Variants in TNC observed in about 807,000 individuals in gnomAD.
The protein encoded by TNC is tenascin.
A neutral mutation model predicts 202.4 loss-of-function variants in TNC; 109 were observed. That is an observed-to-expected ratio of 0.54 (90% CI 0.46 to 0.63). The LOEUF is 0.63. Among genes scored for constraint, TNC ranks in the 30% least tolerant of loss-of-function variants. TNC has a pLI of 0.00. For synonymous variants in TNC, 1,007 were observed against 1,089.7 expected, an observed-to-expected ratio of 0.92 and a Z score of 1.50; for missense variants, 2,756 against 2,833.3, an observed-to-expected ratio of 0.97 and a Z score of 0.62.
chr9:115,117,581 C>G (rs971581488), intron 1 of TNC, among the ~76,000 whole-genome samples: 1 of 152,156 alleles, frequency 6.6e-6, no homozygotes, highest in Non-Finnish European at 1.5e-5. Flanking sequence ...CTCCCTCTAA[C>G]CCATCCCAGG....
At chr9:115,025,018 C>T (rs532646517) in intron 26 of TNC, among the ~76,000 whole-genome samples, 10 of 152,204 alleles carry the variant, frequency 6.6e-5, no homozygotes, top group Non-Finnish European at 1.2e-4. Flanking sequence ...GAGGACGGCA[C>T]GTAGATATTA....
At position 115,073,850 on chromosome 9, in the gene TNC, C is replaced by T. The variant is rs1380266642; in HGVS notation, c.2967G>A (p.Lys989=). The part of the protein sequence containing the change: ...INAATELDTP[K]DLQVSETAET... ...CTGCAGTTTCAGAAACCTGAAGGTC[C>T]TTGGGCGTGTCCAACTCTGGGAGGA... is the stretch of plus-strand genomic sequence containing the variant. The change falls in exon 10 of 28, where the codon AAG becomes AAA. Residue 989 remains lysine, a synonymous_variant. Transcript: ENST00000350763. 1 of 1,610,984 alleles carries T rather than the reference C, an allele frequency of 6.2e-7. No individual in the cohort carries two copies. Among genetic ancestry groups the T allele is most frequent in the Non-Finnish European group, 8.5e-7 (1 of 1,179,984 alleles).
At chr9:115,080,507 AC>A (rs967203480) in intron 6 of TNC, among the ~76,000 whole-genome samples, 2 of 152,154 alleles carry the variant, frequency 1.3e-5, no homozygotes, top group African/African-American at 4.8e-5. Context: ...TTTTCCAACA[AC>A]CCCCTGCCAA....
chr9:115,033,744 A>G (rs1398367245), intron 22 of TNC, among the ~76,000 whole-genome samples: 1 of 152,238 alleles, frequency 6.6e-6, no homozygotes, highest in Non-Finnish European at 1.5e-5. Context: ...AAAAGAGAGC[A>G]AGAGAATGTA....
At chr9:115,076,914 T>C (rs895039326) in intron 7 of TNC, among the ~76,000 whole-genome samples, 1 of 152,260 alleles carries the variant, frequency 6.6e-6, no homozygotes, top group Non-Finnish European at 1.5e-5. Flanking sequence ...TTTTATTTTT[T>C]TGAGACAAGA....
At chr9:115,036,354 G>T in intron 20 of TNC, 113 bp from the exon 21 acceptor site, 1 of 1,230,040 alleles carries the variant, frequency 8.1e-7, no homozygotes, top group Non-Finnish European at 1.2e-6. Context: ...CAGTGACCCT[G>T]CGGAAAAGCA....
At chr9:115,024,922 C>T (rs892468376) in intron 26 of TNC, among the ~76,000 whole-genome samples, 6 of 152,194 alleles carry the variant, frequency 3.9e-5, no homozygotes, top group Non-Finnish European at 8.8e-5. Context: ...CATTTCAAGA[C>T]TCTGAGGCAT....
intron 10 of TNC, among the ~76,000 whole-genome samples, chr9:115,072,977 G>A (rs1833572018): frequency 6.6e-6 from 1 of 152,090 alleles, no homozygotes; most frequent in Non-Finnish European, 1.5e-5. Flanking sequence ...GGGCCAGAAT[G>A]GACACAAGTT....
rs1179524112 is a variant in TNC at position 115,087,146 on chromosome 9, G to A, written c.585C>T (p.His195=). ...CSEPECPGNC[H]LRGRCIDGQC... is the part of the protein sequence containing the mutation. ...GCCCATCAATGCACCGGCCTCGAAGGTGACAGTTGCCTGGACATTCGGGCT... is the reference window on the plus strand; with the variant it reads ...GCCCATCAATGCACCGGCCTCGAAGATGACAGTTGCCTGGACATTCGGGCT... Residue 195 remains histidine (H), a synonymous_variant, in exon 3 of 28, where the codon CAC becomes CAT. Coordinates refer to ENST00000350763, the MANE Select transcript of TNC (RefSeq NM_002160.4). The A allele has an allele frequency of 6.2e-7, 1 of 1,614,254 alleles. No homozygotes were observed. The highest frequency in any genetic ancestry group is 8.5e-7 in the Non-Finnish European group (1 of 1,180,056).
intron 15 of TNC, among the ~76,000 whole-genome samples, chr9:115,051,247 G>C (rs1395912707): frequency 6.6e-6 from 1 of 152,046 alleles, no homozygotes; most frequent in Non-Finnish European, 1.5e-5. Context: ...TGAATGGGTA[G>C]GGCTTAATTA....
Position 115,021,145 on chromosome 9 carries a change from G to C in TNC, c.*12C>G. 6.2e-7 allele frequency: 1 copy of C among 1,604,664 alleles called. No individual in the cohort carries two copies. On this transcript the variant is annotated 3_prime_UTR_variant, in exon 28 of 28. Transcript: ENST00000350763. ...GGGCCTTATTCCTCTCTCACCCAGT[G>C]GTCCCTGGAATTTATGCCCGTTTGC...
chr9:115,109,923 T>C (rs1039346282), intron 1 of TNC, among the ~76,000 whole-genome samples: 1 of 152,216 alleles, frequency 6.6e-6, no homozygotes, highest in East Asian at 1.9e-4. Flanking sequence ...AGGACTCCTA[T>C]TAATTGCTAA....
chr9:115,069,371 G>C (rs1288603028), intron 10 of TNC, among the ~76,000 whole-genome samples: 1 of 151,716 alleles, frequency 6.6e-6, no homozygotes, highest in African/African-American at 2.4e-5. Flanking sequence ...GGTTTAGTTG[G>C]GTTTATAAGA....
Position 115,062,927 on chromosome 9 carries a change from C to T in TNC, c.4023G>A (p.Glu1341=). The T allele has an allele frequency of 6.2e-7, 1 of 1,613,344 alleles. No individual in the cohort carries two copies. The highest frequency in any genetic ancestry group is 1.7e-4 in the Middle Eastern group (1 of 5,950). ...RGHSTRPLAV[E]VVTEDLPQLG... ...AGGAGGGTCATATACCTGTGACGACCTCTACAGCAAGGGGTCGAGTGCTGT... is the reference window on the plus strand; with the variant it reads ...AGGAGGGTCATATACCTGTGACGACTTCTACAGCAAGGGGTCGAGTGCTGT... Residue 1341 remains glutamate (E), a synonymous_variant, in exon 13 of 28, where the codon GAG becomes GAA. Transcript: ENST00000350763.
chr9:115,111,656 C>G (rs140007098), intron 1 of TNC, among the ~76,000 whole-genome samples: 2 of 151,970 alleles, frequency 1.3e-5, no homozygotes, highest in Non-Finnish European at 2.9e-5. Context: ...AGTGATCCAC[C>G]CGCCTCGGGC....
intron 1 of TNC, among the ~76,000 whole-genome samples, chr9:115,095,460 ATATATATATG>A (rs1237484638): frequency 2.0e-5 from 2 of 98,762 alleles, no homozygotes; most frequent in African/African-American, 4.1e-5. Context: ...ATATATATGT[ATATATATATG>A]TATATATATG....
chr9:115,038,422 G>A (rs1237090645), intron 19 of TNC, 42 bp from the exon 20 acceptor site: 1 of 1,607,574 alleles, frequency 6.2e-7, no homozygotes, highest in Non-Finnish European at 8.5e-7. Flanking sequence ...TCATTGGGTG[G>A]GACATCAGAC....
At chr9:115,058,205 T>C (rs1239437172) in intron 14 of TNC, among the ~76,000 whole-genome samples, 1 of 152,204 alleles carries the variant, frequency 6.6e-6, no homozygotes, top group Admixed American at 6.5e-5. Flanking sequence ...TGCCAGTGCT[T>C]TCCCCAACCA....
chr9:115,042,137 A>G (rs1830803170), intron 18 of TNC, 82 bp downstream of exon 18: 13 of 1,535,358 alleles, frequency 8.5e-6, no homozygotes, highest in Non-Finnish European at 1.1e-5. Flanking sequence ...ATGTTAGAGG[A>G]TGAAAATTAT....
Sources: gnomAD v4.1 joint callset for allele counts (sites outside exome capture counted in the v4.1 genomes callset) on GRCh38, gnomAD v4.1.1 for gene constraint, MANE v1.5 for transcripts, NCBI Gene and HGNC (gene_info 2026-07-23, HGNC 2026-07-21) for gene names.